NKAIN2: variants seen among roughly 807,000 people sequenced by gnomAD.
NKAIN2 encodes sodium/potassium-transporting ATPase subunit beta-1-interacting protein 2.
A neutral mutation model predicts 32.6 loss-of-function variants in NKAIN2; 14 were observed. The ratio of observed to expected loss-of-function variants is 0.43; its 90% confidence interval spans 0.28 to 0.67. The LOEUF (loss-of-function observed/expected upper bound fraction) is 0.67. Among genes scored for constraint, NKAIN2 ranks in the 30% least tolerant of loss-of-function variants. NKAIN2 has a pLI of 0.17. For missense variants in NKAIN2, 198 were observed against 258.3 expected, an observed-to-expected ratio of 0.77 and a Z score of 1.60; for synonymous variants, 80 against 87.2, an observed-to-expected ratio of 0.92 and a Z score of 0.46.
chr6:124,064,850 A>T (rs1423698779), intron 1 of NKAIN2, among the ~76,000 whole-genome samples: 1 of 151,980 alleles, frequency 6.6e-6, no homozygotes, highest in Non-Finnish European at 1.5e-5. Flanking sequence ...GTTTTATAAG[A>T]GGGTATTTAT....
At position 124,166,339 on chromosome 6, in the gene NKAIN2, C is replaced by T. The variant is rs1160682970; in HGVS notation, c.55-116666C>T. ...TCTTTTGAGAAGTGTCTGTTCATTT[C>T]CTTCGCCCACTTGTTGATGGGGTTG... On this transcript the variant is annotated intron_variant, in intron 1 of 6. Transcript: ENST00000368417. 3.3e-5 allele frequency among the ~76,000 whole-genome samples: 5 copies of T among 152,084 alleles called. No homozygotes were observed. The South Asian group carries it at 1.0e-3, about 32-fold the overall frequency.
intron 1 of NKAIN2, among the ~76,000 whole-genome samples, chr6:123,925,190 T>C (rs1775953073): frequency 6.6e-6 from 1 of 152,286 alleles, no homozygotes; most frequent in East Asian, 1.9e-4. Context: ...ATTTGTTAAA[T>C]GAGTGAAAAA....
At chr6:124,489,475 T>G (rs1777777114) in intron 3 of NKAIN2, among the ~76,000 whole-genome samples, 1 of 151,870 alleles carries the variant, frequency 6.6e-6, no homozygotes, top group Admixed American at 6.6e-5. Flanking sequence ...AAGTTGAAAA[T>G]GTATTTAATA....
At chr6:124,768,144 A>G (rs185032205) in intron 4 of NKAIN2, among the ~76,000 whole-genome samples, 1 of 152,316 alleles carries the variant, frequency 6.6e-6, no homozygotes, top group African/African-American at 2.4e-5. Flanking sequence ...CAAAACATTT[A>G]AAACAAAACA....
intron 3 of NKAIN2, among the ~76,000 whole-genome samples, chr6:124,579,288 C>T (rs781322206): frequency 5.3e-5 from 8 of 152,182 alleles, no homozygotes; most frequent in Non-Finnish European, 1.0e-4. Context: ...ACTGGAGAGA[C>T]AGAGATATGT....
At chr6:124,761,985 C>A (rs1778289757) in intron 4 of NKAIN2, among the ~76,000 whole-genome samples, 1 of 152,138 alleles carries the variant, frequency 6.6e-6, no homozygotes, top group African/African-American at 2.4e-5. Flanking sequence ...TTCTCTCACT[C>A]CCTGGTTCTC....
intron 3 of NKAIN2, among the ~76,000 whole-genome samples, chr6:124,410,910 G>C (rs938217742): frequency 2.6e-5 from 4 of 152,088 alleles, no homozygotes; most frequent in African/African-American, 9.7e-5. Context: ...AGTTCTTGTT[G>C]AATTGATCCC....
At chr6:124,807,093 C>T (rs1262425004) in intron 5 of NKAIN2, among the ~76,000 whole-genome samples, 1 of 151,346 alleles carries the variant, frequency 6.6e-6, no homozygotes, top group African/African-American at 2.4e-5. Context: ...GACAGAAAGT[C>T]AACAAGGATA....
intron 3 of NKAIN2, among the ~76,000 whole-genome samples, chr6:124,456,015 T>A (rs989039570): frequency 6.6e-6 from 1 of 151,890 alleles, no homozygotes; most frequent in Non-Finnish European, 1.5e-5. Context: ...GATAGGATGG[T>A]GTAACAGTCT....
intron 3 of NKAIN2, among the ~76,000 whole-genome samples, chr6:124,422,044 G>A (rs961103348): frequency 5.3e-5 from 8 of 151,994 alleles, no homozygotes; most frequent in Non-Finnish European, 7.4e-5. Context: ...GGAGGATGAA[G>A]CAAGATGCAA....
At chr6:124,655,797 A>G (rs2114415765) in intron 3 of NKAIN2, among the ~76,000 whole-genome samples, 1 of 152,306 alleles carries the variant, frequency 6.6e-6, no homozygotes. Flanking sequence ...TTTTGCTTCA[A>G]CCAATGAGAA....
chr6:124,015,782 G>C (rs1038123419), intron 1 of NKAIN2, among the ~76,000 whole-genome samples: 23 of 152,190 alleles, frequency 1.5e-4, no homozygotes, highest in Admixed American at 2.0e-4. Flanking sequence ...TTTGTGAGCT[G>C]TTCTAGGATT....
At chr6:124,771,841 G>A (rs919274511) in intron 4 of NKAIN2, among the ~76,000 whole-genome samples, 3 of 152,134 alleles carry the variant, frequency 2.0e-5, no homozygotes, top group Non-Finnish European at 4.4e-5. Context: ...GAAGCCAGAA[G>A]AGTTCTCTAG....
intron 4 of NKAIN2, among the ~76,000 whole-genome samples, chr6:124,752,929 C>A (rs1242742930): frequency 6.6e-6 from 1 of 151,902 alleles, no homozygotes; most frequent in African/African-American, 2.4e-5. Flanking sequence ...AAAAGAAATC[C>A]AAATTTTGTA....
rs1005131364 is a variant in NKAIN2, at chr6:124,785,911, C to T, written c.475-5428C>T. Among the ~76,000 whole-genome samples the T allele has an allele frequency of 2.0e-5, 3 of 152,132 alleles. No individual in the cohort carries two copies. In the South Asian group the frequency reaches 6.2e-4, roughly 31 times the overall value. ...TGAGGCTAAAAGTCTGGATTACTTA[C>T]TCATGAGGCAGTGGGGAAGTCTTGG... On this transcript the variant is annotated intron_variant, in intron 4 of 6. Coordinates refer to ENST00000368417, the MANE Select transcript of NKAIN2 (RefSeq NM_001040214.3).
At chr6:124,574,127 T>C (rs1234659158) in intron 3 of NKAIN2, among the ~76,000 whole-genome samples, 2 of 152,118 alleles carry the variant, frequency 1.3e-5, no homozygotes, top group African/African-American at 4.8e-5. Context: ...TGGCATGTAG[T>C]GGAGGCAGCT....
At chr6:124,625,887 CA>C (rs1238563854) in intron 3 of NKAIN2, among the ~76,000 whole-genome samples, 4 of 123,328 alleles carry the variant, frequency 3.2e-5, no homozygotes, top group Non-Finnish European at 7.7e-5. Flanking sequence ...TCTCCTCTAA[CA>C]AACAAACATA....
intron 1 of NKAIN2, among the ~76,000 whole-genome samples, chr6:124,231,551 G>A (rs943313331): frequency 2.0e-5 from 3 of 152,128 alleles, no homozygotes; most frequent in African/African-American, 7.2e-5. Context: ...GGACTTGGTA[G>A]GAGATAATTG....
intron 1 of NKAIN2, among the ~76,000 whole-genome samples, chr6:123,955,188 A>C (rs1356884845): frequency 1.4e-5 from 2 of 139,380 alleles, no homozygotes; most frequent in Admixed American, 7.2e-5. Flanking sequence ...AAGGAGATAC[A>C]GAAAAACCAA....
Sources: allele counts gnomAD v4.1 joint callset (sites outside exome capture counted in the v4.1 genomes callset), GRCh38; gene constraint gnomAD v4.1.1; transcripts MANE v1.5; gene names NCBI Gene and HGNC (gene_info 2026-07-23, HGNC 2026-07-21).